The following MSI1 variants were observed in gnomAD, a reference collection of about 807,000 sequenced individuals.
MSI1 encodes the protein musashi RNA binding protein 1.
In MSI1, 15 loss-of-function variants were observed where a neutral mutation model predicts 54.4. That is an observed-to-expected ratio of 0.28 (90% CI 0.18 to 0.42). The LOEUF is 0.42. Among genes scored for constraint, MSI1 ranks in the 20% least tolerant of loss-of-function variants. The pLI is 1.00. For synonymous variants in MSI1, 200 were observed against 196.5 expected (o/e 1.02, Z -0.15); for missense variants, 304 against 506.0 (o/e 0.60, Z 3.83).
Position 120,368,059 on chromosome 12 carries a change from C to T in MSI1, c.216G>A (p.Ala72=), listed in dbSNP as rs77432606. The T allele has an allele frequency of 2.5e-6, 4 of 1,613,802 alleles. No homozygotes were observed. Among genetic ancestry groups the T allele is most frequent in the South Asian group, 2.2e-5 (2 of 90,988 alleles). ...ATTGCGCCAGCACTTTATCCACCCC[C>T]GCCTGGTCCATGAAAGTGACGAAGC... The part of the protein sequence containing the change: ...GFGFVTFMDQ[A]GVDKVLAQSR... The change falls in exon 4 of 15, where the codon GCG becomes GCA. Residue 72 remains alanine (A), a synonymous_variant. Transcript: ENST00000257552. The surrounding 1 kb of genome is among the most constrained non-coding windows in gnomAD (Gnocchi z 6.6).
intron 14 of MSI1, among the ~76,000 whole-genome samples, chr12:120,343,805 C>G (rs1317182198): frequency 6.6e-6 from 1 of 152,188 alleles, no homozygotes; most frequent in East Asian, 1.9e-4. Flanking sequence ...CTCCCACCAT[C>G]TGGATAGACA....
chr12:120,360,436 C>G (rs994599896), intron 6 of MSI1, among the ~76,000 whole-genome samples: 6 of 152,198 alleles, frequency 3.9e-5, no homozygotes, highest in African/African-American at 1.4e-4. Context: ...CAACAAGGTC[C>G]CTGGAGAATC....
chr12:120,357,998 C>A, intron 7 of MSI1, 100 bp from the exon 8 acceptor site: 1 of 966,934 alleles, frequency 1.0e-6, no homozygotes. Flanking sequence ...CTCTCTCTGG[C>A]GAGTGAGAGT....
chr12:120,359,640 G>C (rs1350294875), intron 6 of MSI1, among the ~76,000 whole-genome samples: 1 of 152,134 alleles, frequency 6.6e-6, no homozygotes, highest in Non-Finnish European at 1.5e-5. Context: ...GACTGGGAAA[G>C]GGGGAGGATC....
At chr12:120,349,562 C>T (rs371396414) in intron 11 of MSI1, among the ~76,000 whole-genome samples, 6 of 152,326 alleles carry the variant, frequency 3.9e-5, no homozygotes, top group African/African-American at 1.4e-4. Flanking sequence ...TGTCTCCTTC[C>T]TCTGGAATTT....
intron 4 of MSI1, among the ~76,000 whole-genome samples, chr12:120,366,204 C>T (rs1205300181): frequency 1.3e-5 from 2 of 152,180 alleles, no homozygotes; most frequent in Non-Finnish European, 2.9e-5. Flanking sequence ...CTATCTTTTC[C>T]CAAAGTTCCT....
At position 120,362,946 on chromosome 12, in the gene MSI1, G is replaced by A. The variant is rs955393345; in HGVS notation, c.402+97C>T. On this transcript the variant is annotated intron_variant, in intron 6 of 14. Coordinates refer to ENST00000257552, the MANE Select transcript of MSI1 (RefSeq NM_002442.4). ...GGATCCAGCCCCACTCTCATCTTTTGCAGGAATGGAATGACCTGGCTGGAT... is the reference window on the plus strand; with the variant it reads ...GGATCCAGCCCCACTCTCATCTTTTACAGGAATGGAATGACCTGGCTGGAT... The A allele has an allele frequency of 2.7e-5, 29 of 1,054,830 alleles. No homozygotes were observed. In the African/African-American group the frequency reaches 4.1e-4, roughly 15 times the overall value. The allele number at this position is 1,054,830 out of a possible 1,614,324, so 65.3% of individuals were successfully genotyped here.
intron 5 of MSI1, among the ~76,000 whole-genome samples, chr12:120,363,742 C>T (rs1401161445): frequency 1.3e-5 from 2 of 152,202 alleles, no homozygotes; most frequent in African/African-American, 2.4e-5. Context: ...CGGCTTCCTT[C>T]GAATACCTGC....
chr12:120,351,381 G>A lies in MSI1; in HGVS notation c.753C>T (p.Thr251=). ...GGAGGACTGGGGCGCTCGGGAGAGGGGTCCGCTCTACACGGAATTCTAAAA... is the reference window on the plus strand; with the variant it reads ...GGAGGACTGGGGCGCTCGGGAGAGGAGTCCGCTCTACACGGAATTCTAAAA... ...YQFPEFRVER[T]PLPSAPVLPE... The change falls in exon 11 of 15, where the codon ACC becomes ACT. Residue 251 remains threonine, a synonymous_variant. Coordinates refer to ENST00000257552, the MANE Select transcript of MSI1 (RefSeq NM_002442.4). The A allele has an allele frequency of 6.2e-7, 1 of 1,609,622 alleles. No individual in the cohort carries two copies. The highest frequency in any genetic ancestry group is 8.5e-7 in the Non-Finnish European group (1 of 1,178,382).
chr12:120,362,906 T>A, intron 6 of MSI1, 137 bp downstream of exon 6: 1 of 737,666 alleles, frequency 1.4e-6, no homozygotes, highest in South Asian at 1.7e-5. Context: ...ATTGGCCTGG[T>A]CTGCCCCCAC....
In MSI1 at chr12:120,344,113, C is replaced by G. The variant is rs568745333; in HGVS notation, c.*22-1008G>C. 2.2e-3 allele frequency among the ~76,000 whole-genome samples: 329 copies of G among 152,272 alleles called. 4 individuals are homozygous for G. Among genetic ancestry groups the G allele is most frequent in the African/African-American group, 7.7e-3 (321 of 41,532 alleles). On this transcript the variant is annotated intron_variant, in intron 14 of 14. Transcript: ENST00000257552. ...TCAGGTGATCCGCCTGCCTTGGCCC[C>G]GCAAAGTGCTGGGATTATAGGCGTG...
chr12:120,351,365 G>C lies in MSI1; in HGVS notation c.769C>G (p.Pro257Ala). 6.2e-7 allele frequency: 1 copy of C among 1,611,572 alleles called. No homozygotes were observed. Among genetic ancestry groups the C allele is most frequent in the Non-Finnish European group, 8.5e-7 (1 of 1,179,230 alleles). ...TGACCTGTAAGCTCGGGGAGGACTG[G>C]GGCGCTCGGGAGAGGGGTCCGCTCT... is the stretch of plus-strand genomic sequence containing the variant. ...RVERTPLPSAPVLPELTAIPL... is the reference protein window; with the variant it reads ...RVERTPLPSAAVLPELTAIPL... Residue 257 changes from proline (P) to alanine (A), a missense_variant, in exon 11 of 15, where the codon CCA (proline) becomes GCA (alanine). Physicochemically the swap from Pro to Ala is conservative, Grantham distance 27. This residue lies in a region of MSI1 where 147 missense variants were observed against 231.5 expected (regional missense o/e 0.64). Coordinates refer to ENST00000257552, the MANE Select transcript of MSI1 (RefSeq NM_002442.4).
chr12:120,348,083 G>A (rs1874287885), intron 11 of MSI1, among the ~76,000 whole-genome samples: 1 of 151,134 alleles, frequency 6.6e-6, no homozygotes, highest in Non-Finnish European at 1.5e-5. Context: ...TGCTCCCCTC[G>A]CCCCTGTCTC....
At chr12:120,360,072 G>A (rs1359579255) in intron 6 of MSI1, among the ~76,000 whole-genome samples, 2 of 151,746 alleles carry the variant, frequency 1.3e-5, no homozygotes, top group East Asian at 1.9e-4. Context: ...TGCAGCCCCC[G>A]CCTCCCAGGT....
chr12:120,353,179 C>G (rs1238009931), intron 10 of MSI1, 120 bp downstream of exon 10: 1 of 961,852 alleles, frequency 1.0e-6, no homozygotes, highest in Non-Finnish European at 1.6e-6. Flanking sequence ...ACATGCCCTT[C>G]CTTCCAAGCC....
In MSI1 at chr12:120,342,563, A is replaced by C. The variant is rs1308787406; in HGVS notation, c.*564T>G. On this transcript the variant is annotated 3_prime_UTR_variant, in exon 15 of 15. Transcript: ENST00000257552. The stretch of plus-strand genomic sequence containing the variant: ...ACACCCAGATAGACACTTTGTTCTC[A>C]GCTGGTGGGGGGCACCTGGCCCCTT... 6.6e-6 allele frequency: 1 copy of C among 151,252 alleles called. No individual in the cohort carries two copies. The highest frequency in any genetic ancestry group is 1.5e-5 in the Non-Finnish European group (1 of 67,784). 9.4% of individuals were successfully genotyped at this position (151,252 alleles called of 1,614,324 possible).
intron 7 of MSI1, among the ~76,000 whole-genome samples, chr12:120,358,696 G>A (rs139699440): frequency 0.015 from 2,256 of 150,296 alleles, 39 homozygotes; most frequent in Non-Finnish European, 0.023. Flanking sequence ...CCTGGCCTAA[G>A]CTCTGGTTAC....
chr12:120,362,740 G>A (rs12424233), intron 6 of MSI1, among the ~76,000 whole-genome samples: 8,742 of 152,276 alleles, frequency 0.057, 385 homozygotes, highest in Admixed American at 0.15. Context: ...TGATTGAACT[G>A]GCTGTGGGAG....
At chr12:120,367,980 G>C (rs913445676) in intron 4 of MSI1, 28 bp downstream of exon 4, 7 of 1,589,758 alleles carry the variant, frequency 4.4e-6, no homozygotes, top group Non-Finnish European at 5.1e-6. Context: ...TCTCCCAAAG[G>C]ACCCCCGAAG....
Sources: gnomAD v4.1 joint callset for allele counts (sites outside exome capture counted in the v4.1 genomes callset) on GRCh38, gnomAD v4.1.1 for gene constraint, gnomAD v4.1.1 regional missense constraint, Gnocchi (gnomAD v3.1) non-coding constraint, MANE v1.5 for transcripts, NCBI Gene and HGNC (gene_info 2026-07-23, HGNC 2026-07-21) for gene names.